Variants in PREX1 observed in about 807,000 individuals in gnomAD.
PREX1 encodes the protein phosphatidylinositol-3,4,5-trisphosphate dependent Rac exchange factor 1, also known as phosphatidylinositol 3,4,5-trisphosphate-dependent Rac exchanger 1 protein.
PREX1 carries 41 observed loss-of-function variants against 198.3 expected under a neutral mutation model. That is an observed-to-expected ratio of 0.21 (90% CI 0.16 to 0.27). The LOEUF is 0.27. PREX1 is among the 10% of genes least tolerant of loss of function. The pLI, the probability that PREX1 is intolerant of heterozygous loss-of-function variation, is 1.00. For synonymous variants in PREX1, 843 were observed against 887.2 expected (o/e 0.95, Z 0.89); for missense variants, 1,620 against 2,200.7 (o/e 0.74, Z 5.28).
intron 13 of PREX1, among the ~76,000 whole-genome samples, chr20:48,678,673 G>T (rs1170199379): frequency 6.6e-6 from 1 of 152,154 alleles, no homozygotes; most frequent in Non-Finnish European, 1.5e-5. Context: ...AGATCTGATG[G>T]TTTCATAAGA....
rs1256968523 is a variant in PREX1, at chr20:48,691,415, CA to C, written c.1037-320del. 6.6e-6 allele frequency among the ~76,000 whole-genome samples: 1 copy of C among 152,204 alleles called. No homozygotes were observed. The highest frequency in any genetic ancestry group is 2.4e-5 in the African/African-American group (1 of 41,450). On this transcript the variant is annotated intron_variant, in intron 8 of 39. Transcript: ENST00000371941. The surrounding 1 kb of genome is among the most constrained non-coding windows in gnomAD (Gnocchi z 5.0). ...CCCAAAATGCTTCCTGGGCTCCTCCCATCTCACTCGGGCACTGGAGTTACTT... is the reference window on the plus strand; with the variant it reads ...CCCAAAATGCTTCCTGGGCTCCTCCCTCTCACTCGGGCACTGGAGTTACTT...
Position 48,636,558 on chromosome 20 carries a change from C to G in PREX1, c.4072G>C (p.Glu1358Gln). 5.0e-6 allele frequency: 8 copies of G among 1,611,758 alleles called. No homozygotes were observed. Among genetic ancestry groups the G allele is most frequent in the Non-Finnish European group, 6.8e-6 (8 of 1,179,654 alleles). ...YRYNNNGEYE[E>Q]SSRDASRKWL... ...TTGCGGCTGGCGTCGCGGCTGCTCT[C>G]CTCGTACTCGCCATTGTTGTTGTAG... Residue 1358 changes from glutamate to glutamine, a missense_variant, in exon 32 of 40, where the codon GAG (glutamate) becomes CAG (glutamine). By Grantham distance (29) the Glu-to-Gln change is conservative. This residue lies in a region of PREX1 where 476 missense variants were observed against 603.4 expected (regional missense o/e 0.79). Transcript: ENST00000371941.
intron 1 of PREX1, among the ~76,000 whole-genome samples, chr20:48,802,086 C>T (rs1423911998): frequency 6.6e-6 from 1 of 152,146 alleles, no homozygotes; most frequent in Non-Finnish European, 1.5e-5. Flanking sequence ...CAGCTTCAGG[C>T]GTTCTGTTAT....
At chr20:48,843,641 C>T in the PREX1 span, among the ~76,000 whole-genome samples, 7 of 152,196 alleles carry the variant, frequency 4.6e-5, no homozygotes. Flanking sequence ...ATAGTTTGCT[C>T]AGCGTGGCAT....
the PREX1 span, among the ~76,000 whole-genome samples, chr20:48,855,146 G>C: frequency 6.6e-6 from 1 of 152,004 alleles, no homozygotes; most frequent in African/African-American, 2.4e-5. Flanking sequence ...CCCTAATCCT[G>C]GGCAAGAAGG....
chr20:48,693,460 C>A lies in PREX1; in HGVS notation c.918-670G>T, dbSNP rs4809717. Among the ~76,000 whole-genome samples the A allele has an allele frequency of 1.4e-3, 217 of 152,302 alleles. 4 individuals are homozygous for A. Among genetic ancestry groups the A allele is most frequent in the East Asian group, 0.013 (67 of 5,182 alleles). On this transcript the variant is annotated intron_variant, in intron 7 of 39. Coordinates refer to ENST00000371941, the MANE Select transcript of PREX1 (RefSeq NM_020820.4). ...GAGAGCTGGCTCGCCTCTTCCACCACGGGAGGACACAGCAAGACGGCACCA... is the reference window on the plus strand; with the variant it reads ...GAGAGCTGGCTCGCCTCTTCCACCAAGGGAGGACACAGCAAGACGGCACCA...
chr20:48,773,503 T>C (rs1187944036), intron 1 of PREX1, among the ~76,000 whole-genome samples: 1 of 152,126 alleles, frequency 6.6e-6, no homozygotes, highest in Admixed American at 6.5e-5. Context: ...ACCTCATTCA[T>C]TCATTCAGCA....
chr20:48,824,522 AT>A (rs1473541403), intron 1 of PREX1, among the ~76,000 whole-genome samples: 1 of 152,206 alleles, frequency 6.6e-6, no homozygotes, highest in African/African-American at 2.4e-5. Flanking sequence ...TATCTGTATT[AT>A]TTAATTTTCC....
At chr20:48,658,688 C>T (rs562783667) in intron 16 of PREX1, among the ~76,000 whole-genome samples, 9 of 152,246 alleles carry the variant, frequency 5.9e-5, no homozygotes, top group East Asian at 3.9e-4. Flanking sequence ...CTGCTTAGTG[C>T]GGGAGGCCAA....
At chr20:48,687,293 A>G (rs2089790911) in intron 10 of PREX1, among the ~76,000 whole-genome samples, 1 of 152,044 alleles carries the variant, frequency 6.6e-6, no homozygotes, top group Admixed American at 6.5e-5. Context: ...CCACAACTGC[A>G]CTCGTGGGCT....
rs7271463 is a variant in PREX1 at position 48,656,893 on chromosome 20, G to T, written c.2123+147C>A. 8.2e-5 allele frequency: 96 copies of T among 1,174,484 alleles called. No homozygotes were observed. In the African/African-American group the frequency reaches 1.3e-3, roughly 16 times the overall value. 72.8% of individuals were successfully genotyped at this position (1,174,484 alleles called of 1,614,324 possible). On this transcript the variant is annotated intron_variant, in intron 18 of 39. Transcript: ENST00000371941. ...GAGTGGCACTCTGTAAACATCTGCC[G>T]AATTAATGAAGGTCCAGCTTGTGTT...
chr20:48,869,598 T>A, the PREX1 span, among the ~76,000 whole-genome samples: 2 of 152,224 alleles, frequency 1.3e-5, no homozygotes, highest in African/African-American at 4.8e-5. Flanking sequence ...CCAACCCAAA[T>A]GTCCATCAAT....
At position 48,666,828 on chromosome 20, in the gene PREX1, T is replaced by C. The variant is rs1427328291; in HGVS notation, c.1666-473A>G. Among the ~76,000 whole-genome samples, 2 of 152,034 alleles carry C rather than the reference T, an allele frequency of 1.3e-5. No individual in the cohort carries two copies. Among genetic ancestry groups the C allele is most frequent in the Non-Finnish European group, 2.9e-5 (2 of 68,006 alleles). Reference sequence around the variant, plus strand: ...GCATGAGCCACCACGCCTGGCCCCATTTGTGATTATTATTAATAAACTCCA... The same window carrying C: ...GCATGAGCCACCACGCCTGGCCCCACTTGTGATTATTATTAATAAACTCCA... On this transcript the variant is annotated intron_variant, in intron 14 of 39. Transcript: ENST00000371941. The surrounding 1 kb of genome is among the most constrained non-coding windows in gnomAD (Gnocchi z 4.3).
intron 1 of PREX1, among the ~76,000 whole-genome samples, chr20:48,757,098 G>A (rs2090158893): frequency 1.3e-5 from 2 of 152,140 alleles, no homozygotes; most frequent in Admixed American, 6.5e-5. Flanking sequence ...GGTGAGATTT[G>A]GGTGGGGACA....
chr20:48,883,481 C>A, the PREX1 span, among the ~76,000 whole-genome samples: 2 of 151,940 alleles, frequency 1.3e-5, no homozygotes, highest in African/African-American at 4.8e-5. Flanking sequence ...ATGTCTTGAT[C>A]CTGTATATTA....
At chr20:48,773,649 A>C (rs6019411) in intron 1 of PREX1, among the ~76,000 whole-genome samples, 74 of 152,332 alleles carry the variant, frequency 4.9e-4, no homozygotes, top group African/African-American at 1.6e-3. Context: ...CGGTGTGTTC[A>C]AAGAACAGCA....
intron 7 of PREX1, among the ~76,000 whole-genome samples, chr20:48,696,677 CTAGAG>C (rs1177663918): frequency 2.0e-5 from 3 of 151,762 alleles, no homozygotes; most frequent in Admixed American, 6.6e-5. Context: ...AAACCCCCTC[CTAGAG>C]TATTTATTGG....
chr20:48,691,185 A>G lies in PREX1; in HGVS notation c.1037-89T>C. 2.0e-6 allele frequency: 3 copies of G among 1,537,002 alleles called. No individual in the cohort carries two copies. The highest frequency in any genetic ancestry group is 2.7e-6 in the Non-Finnish European group (3 of 1,116,424). On this transcript the variant is annotated intron_variant, in intron 8 of 39. Coordinates refer to ENST00000371941, the MANE Select transcript of PREX1 (RefSeq NM_020820.4). The surrounding 1 kb of genome is among the most constrained non-coding windows in gnomAD (Gnocchi z 5.0). The stretch of plus-strand genomic sequence containing the variant: ...TTGCCAAGCCCTTCCGCCCCAGCAC[A>G]GGCAGGGCCCTCGCCTGGATCAGGA...
intron 3 of PREX1, among the ~76,000 whole-genome samples, chr20:48,739,390 A>G (rs2090071267): frequency 6.6e-6 from 1 of 152,220 alleles, no homozygotes; most frequent in African/African-American, 2.4e-5. Flanking sequence ...CAAATATTCC[A>G]TAAGACATGT....
Sources: gnomAD v4.1 joint callset for allele counts (sites outside exome capture counted in the v4.1 genomes callset) on GRCh38, gnomAD v4.1.1 for gene constraint, gnomAD v4.1.1 regional missense constraint, Gnocchi (gnomAD v3.1) non-coding constraint, MANE v1.5 for transcripts, NCBI Gene and HGNC (gene_info 2026-07-23, HGNC 2026-07-21) for gene names.